The following TNFRSF10B variants were observed in gnomAD, a reference collection of about 807,000 sequenced individuals.
TNFRSF10B encodes tumor necrosis factor receptor superfamily member 10B.
A neutral mutation model predicts 41.4 loss-of-function variants in TNFRSF10B; 35 were observed. That is an observed-to-expected ratio of 0.85 (90% CI 0.65 to 1.12). The LOEUF (loss-of-function observed/expected upper bound fraction) is 1.12, where lower values mean the gene tolerates loss of function less well. Ranked by LOEUF, TNFRSF10B falls within the 50% of genes most tolerant of loss-of-function variation. The pLI, the probability that TNFRSF10B is intolerant of heterozygous loss-of-function variation, is 0.00. For synonymous variants in TNFRSF10B, 230 were observed against 215.5 expected (o/e 1.07, Z -0.59); for missense variants, 584 against 552.7 (o/e 1.06, Z -0.57).
At chr8:23,047,661 C>A (rs1051850724) in intron 1 of TNFRSF10B, among the ~76,000 whole-genome samples, 19 of 151,366 alleles carry the variant, frequency 1.3e-4, no homozygotes, top group African/African-American at 4.4e-4. Context: ...GAGATATCAT[C>A]TCATACCTAT....
chr8:23,043,125 A>G lies in TNFRSF10B; in HGVS notation c.250+13T>C, dbSNP rs778455124. Reference sequence around the variant, plus strand: ...GAGGAGGGGCAAGGATTAGAGACCCATCTTGAACATACCAGGTGGACACAA... The same window carrying G: ...GAGGAGGGGCAAGGATTAGAGACCCGTCTTGAACATACCAGGTGGACACAA... On this transcript the variant is annotated intron_variant, in intron 2 of 8. Coordinates refer to ENST00000276431, the MANE Select transcript of TNFRSF10B (RefSeq NM_003842.5). 1 of 1,612,930 alleles carries G rather than the reference A, an allele frequency of 6.2e-7. No homozygotes were observed. The highest frequency in any genetic ancestry group is 8.5e-7 in the Non-Finnish European group (1 of 1,178,968).
chr8:23,024,524 A>AT (rs112844191), intron 7 of TNFRSF10B, among the ~76,000 whole-genome samples: 84 of 145,836 alleles, frequency 5.8e-4, no homozygotes, highest in South Asian at 8.7e-4. Context: ...TGTCTTGATG[A>AT]TTTTTTTTTT....
chr8:23,039,686 A>G (rs766496623), intron 2 of TNFRSF10B, among the ~76,000 whole-genome samples: 2 of 152,092 alleles, frequency 1.3e-5, no homozygotes, highest in Non-Finnish European at 2.9e-5. Flanking sequence ...TCACAAGTCA[A>G]CCTTGCTCCA....
intron 1 of TNFRSF10B, among the ~76,000 whole-genome samples, chr8:23,043,456 T>C (rs929977717): frequency 6.6e-6 from 1 of 152,188 alleles, no homozygotes; most frequent in African/African-American, 2.4e-5. Flanking sequence ...CTTCTAAACA[T>C]GTTCATTCCA....
intron 1 of TNFRSF10B, among the ~76,000 whole-genome samples, chr8:23,046,030 C>G (rs1018576258): frequency 7.9e-5 from 12 of 152,176 alleles, no homozygotes; most frequent in Admixed American, 2.0e-4. Context: ...AGGAACAACA[C>G]AAGGATGCTC....
Position 23,022,367 on chromosome 8 carries a change from A to G in TNFRSF10B, c.*304T>C, listed in dbSNP as rs1023220762. The G allele has an allele frequency of 5.8e-6, 3 of 517,538 alleles. No individual in the cohort carries two copies. The highest frequency in any genetic ancestry group is 1.1e-5 in the Non-Finnish European group (3 of 268,798). The allele number at this position is 517,538 out of a possible 1,614,324, so 32.1% of individuals were successfully genotyped here. ...CCAAATAAATAAATAAAGCATTTACATTAGGATAAAAAAGTGCTGTGAAAA... is the reference window on the plus strand; with the variant it reads ...CCAAATAAATAAATAAAGCATTTACGTTAGGATAAAAAAGTGCTGTGAAAA... On this transcript the variant is annotated 3_prime_UTR_variant, in exon 9 of 9. Transcript: ENST00000276431.
At position 23,028,650 on chromosome 8, in the gene TNFRSF10B, G is replaced by T. The variant is rs758225794; in HGVS notation, c.477-48C>A. On this transcript the variant is annotated intron_variant, in intron 4 of 8. Coordinates refer to ENST00000276431, the MANE Select transcript of TNFRSF10B (RefSeq NM_003842.5). ...AGGGGGGACTCTTGATGGAAAGCTG[G>T]CCAGGTGGGATGAAAGAGGAGCCAC... 5 of 1,611,992 alleles carry T rather than the reference G, an allele frequency of 3.1e-6. No individual in the cohort carries two copies. In the East Asian group the frequency reaches 6.7e-5, roughly 22 times the overall value.
intron 4 of TNFRSF10B, among the ~76,000 whole-genome samples, chr8:23,028,898 G>A (rs2128811947): frequency 6.6e-6 from 1 of 152,276 alleles, no homozygotes; most frequent in Non-Finnish European, 1.5e-5. Flanking sequence ...CCTGCGTTAG[G>A]AGCAATCACA....
chr8:23,028,677 C>T (rs1232025301), intron 4 of TNFRSF10B, 75 bp from the exon 5 acceptor site: 2 of 1,570,030 alleles, frequency 1.3e-6, no homozygotes, highest in South Asian at 2.2e-5. Flanking sequence ...AGGAGCCACC[C>T]TCCCTCCCCA....
chr8:23,027,766 C>T lies in TNFRSF10B; in HGVS notation c.749-13G>A. Reference sequence around the variant, plus strand: ...TCCCCACCACCACCTAAAAAAGAAGCAGTCTCCTTAGCAGGAAGGGAGGGG... The same window carrying T: ...TCCCCACCACCACCTAAAAAAGAAGTAGTCTCCTTAGCAGGAAGGGAGGGG... On this transcript the variant is annotated splice_polypyrimidine_tract_variant and intron_variant, in intron 5 of 8. Coordinates refer to ENST00000276431, the MANE Select transcript of TNFRSF10B (RefSeq NM_003842.5). 6.2e-7 allele frequency: 1 copy of T among 1,614,052 alleles called. No homozygotes were observed. The highest frequency in any genetic ancestry group is 8.5e-7 in the Non-Finnish European group (1 of 1,179,986).
intron 1 of TNFRSF10B, 57 bp from the exon 2 acceptor site, chr8:23,043,300 G>A (rs1447129505): frequency 2.8e-6 from 4 of 1,413,306 alleles, no homozygotes; most frequent in African/African-American, 2.8e-5. Context: ...CCCCTCCCAG[G>A]ATCCACTCAC....
intron 1 of TNFRSF10B, among the ~76,000 whole-genome samples, chr8:23,061,710 C>G (rs892113076): frequency 1.3e-5 from 2 of 152,072 alleles, no homozygotes; most frequent in Non-Finnish European, 2.9e-5. Context: ...AAGTTTTCTT[C>G]TATTCTTAGT....
chr8:23,065,738 A>C (rs1000356890), intron 1 of TNFRSF10B, among the ~76,000 whole-genome samples: 2 of 152,202 alleles, frequency 1.3e-5, no homozygotes, highest in African/African-American at 4.8e-5. Context: ...AATAATGCCC[A>C]ATAGACTTTG....
chr8:23,032,842 T>C (rs1377700097), intron 2 of TNFRSF10B, among the ~76,000 whole-genome samples: 1 of 152,178 alleles, frequency 6.6e-6, no homozygotes, highest in Non-Finnish European at 1.5e-5. Context: ...TTAAAAAACA[T>C]TTGTCTGCAC....
chr8:23,068,167 G>A (rs1813052266), intron 1 of TNFRSF10B: 2 of 154,320 alleles, frequency 1.3e-5, no homozygotes, highest in Admixed American at 6.4e-5. Context: ...GCACGCGTAG[G>A]GGCGCAGCCG....
intron 1 of TNFRSF10B, among the ~76,000 whole-genome samples, chr8:23,046,350 A>G (rs144991431): frequency 1.3e-5 from 2 of 152,118 alleles, no homozygotes; most frequent in African/African-American, 2.4e-5. Flanking sequence ...GCAATGACAA[A>G]AAAAAATTAG....
rs371245613 is a variant in TNFRSF10B at position 23,050,799 on chromosome 8, C to T, written c.145-7556G>A. On this transcript the variant is annotated intron_variant, in intron 1 of 8. Coordinates refer to ENST00000276431, the MANE Select transcript of TNFRSF10B (RefSeq NM_003842.5). Reference sequence around the variant, plus strand: ...GCTCAAACATCCAGTTAAGGCCGGGCGTGGTGTCTCATGCCTGTAATCCCA... The same window carrying T: ...GCTCAAACATCCAGTTAAGGCCGGGTGTGGTGTCTCATGCCTGTAATCCCA... Among the ~76,000 whole-genome samples, 32 of 152,200 alleles carry T rather than the reference C, an allele frequency of 2.1e-4. 1 individual carries two copies. The South Asian group carries it at 6.4e-3, about 31-fold the overall frequency.
At chr8:23,066,088 G>C (rs995205322) in intron 1 of TNFRSF10B, among the ~76,000 whole-genome samples, 23 of 152,248 alleles carry the variant, frequency 1.5e-4, no homozygotes, top group African/African-American at 5.3e-4. Context: ...TTTGAGACCA[G>C]CCTGGGCAAC....
At chr8:23,028,200 G>T in intron 5 of TNFRSF10B, 131 bp downstream of exon 5, 1 of 1,269,160 alleles carries the variant, frequency 7.9e-7, no homozygotes. Flanking sequence ...GGGTGACCAC[G>T]AGGAGGAGGA....
Sources: gnomAD v4.1 joint callset for allele counts (sites outside exome capture counted in the v4.1 genomes callset) on GRCh38, gnomAD v4.1.1 for gene constraint, MANE v1.5 for transcripts, NCBI Gene and HGNC (gene_info 2026-07-23, HGNC 2026-07-21) for gene names.